The following NRG1 variants were observed in gnomAD, a reference collection of about 807,000 sequenced individuals.
NRG1 encodes neuregulin 1.
Under a neutral mutation model 63.8 loss-of-function variants are expected in NRG1, and 18 were observed. That is an observed-to-expected ratio of 0.28 (90% CI 0.19 to 0.42). The LOEUF (loss-of-function observed/expected upper bound fraction) is 0.42. NRG1 is among the 10% of genes least tolerant of loss of function. The pLI is 1.00. For missense variants in NRG1, 762 were observed against 814.7 expected (o/e 0.94, Z 0.79); for synonymous variants, 302 against 301.3 (o/e 1.00, Z -0.02).
chr8:31,808,949 T>C (rs896371192), intron 1 of NRG1, among the ~76,000 whole-genome samples: 13 of 152,142 alleles, frequency 8.5e-5, no homozygotes, highest in African/African-American at 2.9e-4. Context: ...TTTCAGAAAA[T>C]GCCTGTAGGT....
intron 1 of NRG1, among the ~76,000 whole-genome samples, chr8:32,552,032 T>G (rs1245338181): frequency 6.6e-6 from 1 of 151,074 alleles, no homozygotes; most frequent in East Asian, 2.0e-4. Context: ...TGCCTCAGAC[T>G]TTTGAGTAGC....
At chr8:32,149,474 G>GA (rs1310042327) in intron 1 of NRG1, among the ~76,000 whole-genome samples, 2 of 151,888 alleles carry the variant, frequency 1.3e-5, no homozygotes, top group Non-Finnish European at 2.9e-5. Context: ...AACATGAAGG[G>GA]ATGCCCTTCT....
At chr8:31,914,063 A>C (rs1238277629) in intron 1 of NRG1, among the ~76,000 whole-genome samples, 1 of 152,168 alleles carries the variant, frequency 6.6e-6, no homozygotes, top group Admixed American at 6.6e-5. Flanking sequence ...TTAGCTATTT[A>C]TCCAAAGCAA....
Position 31,828,248 on chromosome 8 carries a change from C to T in NRG1, c.37+188817C>T, listed in dbSNP as rs188084023. Among the ~76,000 whole-genome samples the T allele has an allele frequency of 1.6e-3, 248 of 152,288 alleles. 1 individual carries two copies. The highest frequency in any genetic ancestry group is 2.6e-3 in the Non-Finnish European group (178 of 68,024). ...GTCCTGTAGAATTTACATTACAAAACCTTCTCTGATCAATAATTGACGATG... is the reference window on the plus strand; with the variant it reads ...GTCCTGTAGAATTTACATTACAAAATCTTCTCTGATCAATAATTGACGATG... On this transcript the variant is annotated intron_variant, in intron 1 of 10. Coordinates refer to the NRG1 transcript ENST00000519301.
chr8:31,941,006 C>A (rs914056805), intron 1 of NRG1, among the ~76,000 whole-genome samples: 2 of 151,990 alleles, frequency 1.3e-5, no homozygotes, highest in Non-Finnish European at 2.9e-5. Flanking sequence ...TACTGAAAAT[C>A]TTCCAAATGA....
At chr8:31,674,763 C>T (rs946420077) in intron 1 of NRG1, among the ~76,000 whole-genome samples, 3 of 152,154 alleles carry the variant, frequency 2.0e-5, no homozygotes, top group African/African-American at 4.8e-5. Context: ...TTAAAGATTA[C>T]CAAAGCCATG....
At chr8:32,176,735 C>T (rs1192239280) in intron 1 of NRG1, among the ~76,000 whole-genome samples, 14 of 152,156 alleles carry the variant, frequency 9.2e-5, no homozygotes, top group African/African-American at 3.1e-4. Context: ...AAATGCTCAT[C>T]ATCACTGGCC....
intron 1 of NRG1, among the ~76,000 whole-genome samples, chr8:32,529,915 T>C (rs1831267924): frequency 6.6e-6 from 1 of 152,150 alleles, no homozygotes; most frequent in African/African-American, 2.4e-5. Context: ...GGATAGTAAA[T>C]ACATAGACCA....
At chr8:31,901,781 C>A (rs1299302673) in intron 1 of NRG1, among the ~76,000 whole-genome samples, 1 of 152,176 alleles carries the variant, frequency 6.6e-6, no homozygotes, top group Non-Finnish European at 1.5e-5. Flanking sequence ...CTCATTGAAG[C>A]TCCAGGAAGA....
intron 1 of NRG1, among the ~76,000 whole-genome samples, chr8:32,593,975 C>T (rs1451830854): frequency 6.6e-6 from 1 of 151,962 alleles, no homozygotes; most frequent in Non-Finnish European, 1.5e-5. Flanking sequence ...ATGGCTGCTT[C>T]TCCACCTCAT....
intron 3 of NRG1, among the ~76,000 whole-genome samples, chr8:32,607,860 G>A (rs1196231228): frequency 6.6e-6 from 1 of 152,026 alleles, no homozygotes; most frequent in East Asian, 1.9e-4. Context: ...TTCAGAAATA[G>A]GTTCCTATGG....
rs540092866 is a variant in NRG1, at chr8:32,152,839, T to C, written c.38-442989T>C. Among the ~76,000 whole-genome samples the C allele has an allele frequency of 2.6e-5, 4 of 152,314 alleles. No homozygotes were observed. The East Asian group carries it at 7.7e-4, about 29-fold the overall frequency. On this transcript the variant is annotated intron_variant, in intron 1 of 10. Transcript: ENST00000519301. ...TGTGTATCCCCTTTCTTAGTAAATT[T>C]GCCTGCTGTGATAAATATACACGTG...
exon 12 of NRG1, chr8:32,767,891 T>C (rs1421316813): frequency 6.6e-6 from 1 of 152,312 alleles, no homozygotes; most frequent in Non-Finnish European, 1.5e-5. Flanking sequence ...TAAGTAATTG[T>C]GATTTATTTA....
At chr8:31,800,841 T>C (rs55703640) in intron 1 of NRG1, among the ~76,000 whole-genome samples, 28,668 of 132,190 alleles carry the variant, frequency 0.22, 3,965 homozygotes, top group East Asian at 0.66. Flanking sequence ...TCCTTTCTTT[T>C]TTTTTTTTTT....
At chr8:32,388,102 C>T (rs1274662796) in intron 1 of NRG1, among the ~76,000 whole-genome samples, 1 of 152,150 alleles carries the variant, frequency 6.6e-6, no homozygotes, top group Non-Finnish European at 1.5e-5. Flanking sequence ...TCTCATTAGC[C>T]TTATTCAGCA....
intron 5 of NRG1, among the ~76,000 whole-genome samples, chr8:32,713,171 C>G (rs906395514): frequency 6.6e-6 from 1 of 152,102 alleles, no homozygotes; most frequent in Non-Finnish European, 1.5e-5. Flanking sequence ...GACTTATCAA[C>G]GAAGATCCTT....
chr8:31,853,088 A>T (rs990256063), intron 1 of NRG1, among the ~76,000 whole-genome samples: 2 of 152,056 alleles, frequency 1.3e-5, no homozygotes, highest in Non-Finnish European at 2.9e-5. Flanking sequence ...TGACTTGGCG[A>T]TGCGGGCTCT....
chr8:32,142,207 C>T lies in NRG1; in HGVS notation c.38-453621C>T, dbSNP rs564771809. Among the ~76,000 whole-genome samples, 5 of 152,292 alleles carry T rather than the reference C, an allele frequency of 3.3e-5. No individual in the cohort carries two copies. In the East Asian group the frequency reaches 9.7e-4, roughly 29 times the overall value. On this transcript the variant is annotated intron_variant, in intron 1 of 10. Transcript: ENST00000519301. ...TGGTGGGTCTCTTCAGTCAGCTCAT[C>T]TCAGCATGTTGAAAGTCCAAATGAC...
chr8:32,578,749 G>T (rs764653602), intron 1 of NRG1, among the ~76,000 whole-genome samples: 5 of 151,924 alleles, frequency 3.3e-5, no homozygotes, highest in Admixed American at 6.6e-5. Context: ...CAGACTTTTG[G>T]ACCTGATCTA....
Sources: allele counts gnomAD v4.1 joint callset (sites outside exome capture counted in the v4.1 genomes callset), GRCh38; gene constraint gnomAD v4.1.1; transcripts MANE v1.5; gene names NCBI Gene and HGNC (gene_info 2026-07-23, HGNC 2026-07-21).